ATP11A: variants seen among roughly 807,000 people sequenced by gnomAD.
ATP11A encodes the protein phospholipid-transporting ATPase IH.
In ATP11A, 81 loss-of-function variants were observed where a neutral mutation model predicts 154.4. The ratio of observed to expected loss-of-function variants is 0.52; its 90% CI spans 0.44 to 0.63. The LOEUF (loss-of-function observed/expected upper bound fraction) is 0.63, where lower values mean the gene tolerates loss of function less well. ATP11A is among the 30% of genes least tolerant of loss of function. The probability of loss-of-function intolerance (pLI) is 0.00; values close to 1 mark genes in which losing one functional copy is unlikely to be tolerated. For synonymous variants in ATP11A, 623 were observed against 585.9 expected (o/e 1.06, Z -0.91); for missense variants, 1,316 against 1,474.3 (o/e 0.89, Z 1.76).
At position 112,854,252 on chromosome 13, in the gene ATP11A, T is replaced by G. The variant is rs368694662; in HGVS notation, c.1992-27T>G. ...CTGGGTCAGCACTGACTTTTCTCTA[T>G]GCTGTGTTTGGTTTTGCCTCCCTCA... On this transcript the variant is annotated intron_variant, in intron 18 of 29. Transcript: ENST00000375645. 6.2e-7 allele frequency: 1 copy of G among 1,611,618 alleles called. No homozygotes were observed. The highest frequency in any genetic ancestry group is 8.5e-7 in the Non-Finnish European group (1 of 1,178,552).
Position 112,690,069 on chromosome 13 carries a change from GGGA to G in ATP11A, c.-343_-341del, listed in dbSNP as rs1884955037. On this transcript the variant is annotated 5_prime_UTR_variant, in exon 1 of 30. Transcript: ENST00000375645. The surrounding 1 kb of genome is among the most constrained non-coding windows in gnomAD (Gnocchi z 5.6). The stretch of plus-strand genomic sequence containing the variant: ...CGGCGGGCAGGGGAGGAGGAGACTC[GGGA>G]GGAGCAGAGCGCAGGCTCCGCCGCG... Among the ~76,000 whole-genome samples the G allele has an allele frequency of 6.7e-6, 1 of 148,606 alleles. No homozygotes were observed. The highest frequency in any genetic ancestry group is 1.5e-5 in the Non-Finnish European group (1 of 66,594).
chr13:112,780,457 G>A (rs982614683), intron 1 of ATP11A, among the ~76,000 whole-genome samples: 1 of 152,204 alleles, frequency 6.6e-6, no homozygotes, highest in Non-Finnish European at 1.5e-5. Flanking sequence ...TCACACATGG[G>A]ATGCTTTCTG....
intron 18 of ATP11A, chr13:112,851,431 T>C: frequency 2.2e-6 from 1 of 456,488 alleles, no homozygotes; most frequent in Non-Finnish European, 3.9e-6. Flanking sequence ...ATGAAGAAGA[T>C]GCCTGAAAGC....
chr13:112,824,882 T>C (rs2078892914), intron 10 of ATP11A, among the ~76,000 whole-genome samples: 1 of 152,210 alleles, frequency 6.6e-6, no homozygotes, highest in African/African-American at 2.4e-5. Context: ...GGATGGTAGC[T>C]GAATTTGTGC....
rs1025757066 is a variant in ATP11A, at chr13:112,810,607, T to G, written c.334-12T>G. On this transcript the variant is annotated splice_polypyrimidine_tract_variant and intron_variant, in intron 4 of 29. Transcript: ENST00000375645. ...CTGCTTCCTCTCTCCCTTCTTTCCT[T>G]CCTTTTTTTAGGGTTATGAAGACTG... The G allele has an allele frequency of 1.9e-6, 3 of 1,610,438 alleles. No homozygotes were observed. Among genetic ancestry groups the G allele is most frequent in the Non-Finnish European group, 2.5e-6 (3 of 1,176,970 alleles).
intron 12 of ATP11A, among the ~76,000 whole-genome samples, chr13:112,828,686 A>G (rs919960950): frequency 6.6e-6 from 1 of 152,206 alleles, no homozygotes; most frequent in African/African-American, 2.4e-5. Flanking sequence ...GCAAAACAGA[A>G]TTTAATTTCT....
chr13:112,832,012 G>A (rs908121690), intron 13 of ATP11A, among the ~76,000 whole-genome samples: 4 of 149,670 alleles, frequency 2.7e-5, no homozygotes, highest in Non-Finnish European at 5.9e-5. Context: ...ATGCACACAC[G>A]CTCACATGCA....
intron 29 of ATP11A, chr13:112,880,552 G>A (rs965484925): frequency 1.5e-6 from 2 of 1,299,560 alleles, no homozygotes; most frequent in East Asian, 5.6e-5. Context: ...GCAGAGGGGT[G>A]TGAAGCACAA....
Position 112,849,619 on chromosome 13 carries a change from G to A in ATP11A, c.1810-1418G>A, listed in dbSNP as rs140865039. Among the ~76,000 whole-genome samples the A allele has an allele frequency of 3.9e-3, 598 of 152,240 alleles. 4 individuals carry two copies. Among genetic ancestry groups the A allele is most frequent in the African/African-American group, 0.013 (528 of 41,546 alleles). On this transcript the variant is annotated intron_variant, in intron 17 of 29. Transcript: ENST00000375645. ...AGTCAGAGAATTCATTCTGCAATTC[G>A]CATTTATGTCTCCAATCTGTAACTT...
chr13:112,764,282 A>G (rs2077025896), intron 1 of ATP11A, among the ~76,000 whole-genome samples: 1 of 152,076 alleles, frequency 6.6e-6, no homozygotes, highest in Admixed American at 6.5e-5. Context: ...CCTGTTCCTT[A>G]TAGGCTCATG....
At chr13:112,850,388 G>A (rs1034801745) in intron 17 of ATP11A, among the ~76,000 whole-genome samples, 1 of 152,164 alleles carries the variant, frequency 6.6e-6, no homozygotes, top group East Asian at 1.9e-4. Context: ...TCTGTAAACC[G>A]CCCCCTGTGT....
intron 2 of ATP11A, among the ~76,000 whole-genome samples, chr13:112,791,526 G>A (rs895704869): frequency 2.6e-5 from 4 of 152,232 alleles, no homozygotes; most frequent in African/African-American, 7.2e-5. Context: ...AGGGGCTGGC[G>A]GGAAGCTGCA....
rs575437343 is a variant in ATP11A at position 112,705,295 on chromosome 13, AGGCCCTC to A, written c.39+14844_39+14850del. Among the ~76,000 whole-genome samples the A allele has an allele frequency of 2.1e-4, 29 of 136,508 alleles. No homozygotes were observed. In the South Asian group the frequency reaches 6.0e-3, roughly 28 times the overall value. The allele number at this position is 136,508 out of a possible 152,430, so 89.6% of individuals were successfully genotyped here. On this transcript the variant is annotated intron_variant, in intron 1 of 29. Coordinates refer to ENST00000375645, the MANE Select transcript of ATP11A (RefSeq NM_015205.3). ...GATGTAATGTGGAAACAAAATGTGCAGGCCCTCGGCAGCGAATGACACGTAGAGAGGG... is the reference window on the plus strand; with the variant it reads ...GATGTAATGTGGAAACAAAATGTGCAGGCAGCGAATGACACGTAGAGAGGG...
At chr13:112,849,385 G>C (rs542530781) in intron 17 of ATP11A, among the ~76,000 whole-genome samples, 34 of 152,316 alleles carry the variant, frequency 2.2e-4, no homozygotes, top group Admixed American at 1.2e-3. Flanking sequence ...AAGTATTTCT[G>C]TTCTGTGTTA....
At chr13:112,873,005 T>C (rs55806013) in intron 26 of ATP11A, among the ~76,000 whole-genome samples, 1,526 of 77,978 alleles carry the variant, frequency 0.02, 6 homozygotes, top group East Asian at 0.029. Context: ...TTTGTCTTCC[T>C]GAGCGGTGTG....
At chr13:112,814,931 G>T (rs2078601657) in intron 5 of ATP11A, among the ~76,000 whole-genome samples, 1 of 152,172 alleles carries the variant, frequency 6.6e-6, no homozygotes, top group Non-Finnish European at 1.5e-5. Context: ...AAACCCAAAG[G>T]TCCATTTGGG....
At chr13:112,880,617 A>G (rs771552688) in intron 29 of ATP11A, 10 of 1,298,138 alleles carry the variant, frequency 7.7e-6, no homozygotes, top group South Asian at 1.2e-5. Context: ...AGGACCTCCT[A>G]CGGCGGCCAA....
At chr13:112,880,068 T>C (rs1278766) in intron 29 of ATP11A, among the ~76,000 whole-genome samples, 82,750 of 152,070 alleles carry the variant, frequency 0.54, 22,583 homozygotes, top group East Asian at 0.65. Context: ...GCTCCTGTGC[T>C]TCCCTTATTC....
At chr13:112,762,799 A>G (rs2076992415) in intron 1 of ATP11A, among the ~76,000 whole-genome samples, 1 of 152,220 alleles carries the variant, frequency 6.6e-6, no homozygotes, top group Non-Finnish European at 1.5e-5. Context: ...ACAAATGCTC[A>G]CGGTATGACG....
Sources: allele counts gnomAD v4.1 joint callset (sites outside exome capture counted in the v4.1 genomes callset), GRCh38; gene constraint gnomAD v4.1.1; non-coding constraint Gnocchi (gnomAD v3.1); transcripts MANE v1.5; gene names NCBI Gene and HGNC (gene_info 2026-07-23, HGNC 2026-07-21).